HDAC8: variants seen among roughly 807,000 people sequenced by gnomAD.
The protein encoded by HDAC8 is histone deacetylase-like 1.
A neutral mutation model predicts 32.2 loss-of-function variants in HDAC8; 1 was observed. That is an observed-to-expected ratio of 0.03 (90% CI 0.01 to 0.15). The LOEUF is 0.15. Ranked by LOEUF, HDAC8 falls within the 10% of genes least tolerant of loss-of-function variation. The probability of loss-of-function intolerance (pLI) is 1.00; values close to 1 mark genes in which losing one functional copy is unlikely to be tolerated. For missense variants in HDAC8, 117 were observed against 300.0 expected (o/e 0.39, Z 4.51); for synonymous variants, 108 against 113.9 (o/e 0.95, Z 0.33).
At chrX:72,438,424 A>G (rs2047017864) in intron 9 of HDAC8, among the ~76,000 whole-genome samples, 1 of 112,007 alleles carries the variant, frequency 8.9e-6, no homozygotes, top group African/African-American at 3.2e-5. Flanking sequence ...TCAAAAAACC[A>G]GAATGCCTCT....
intron 9 of HDAC8, among the ~76,000 whole-genome samples, chrX:72,407,973 A>G (rs1271372953): frequency 8.9e-6 from 1 of 111,817 alleles, no homozygotes; most frequent in African/African-American, 3.3e-5. Flanking sequence ...TTCAAGGCCC[A>G]TGGCAAGCAG....
At chrX:72,502,027 T>A (rs1314993139) in intron 4 of HDAC8, among the ~76,000 whole-genome samples, 2 of 111,824 alleles carry the variant, frequency 1.8e-5, no homozygotes, top group African/African-American at 6.5e-5. Context: ...AAAAGCTCAA[T>A]ATCAATGATC....
In HDAC8 at chrX:72,351,906, A is replaced by G. The variant is rs1216331030; in HGVS notation, c.1006-68T>C. 5 of 771,124 alleles carry G rather than the reference A, an allele frequency of 6.5e-6. No individual in the cohort carries two copies. The African/African-American group carries it at 8.3e-5, about 13-fold the overall frequency. 63.5% of individuals were successfully genotyped at this position (771,124 alleles called of 1,213,427 possible). A position where few individuals can be genotyped will look rare whatever the true frequency, so the allele number is the denominator to read the frequency against. On this transcript the variant is annotated intron_variant, in intron 9 of 10. Transcript: ENST00000373573. ...TAAAACCTCCAAACCAACCACATACAAACAATCAAAAGAAACTCATACTAC... is the reference window on the plus strand; with the variant it reads ...TAAAACCTCCAAACCAACCACATACGAACAATCAAAAGAAACTCATACTAC...
chrX:72,465,692 T>G (rs1037066414), intron 7 of HDAC8, among the ~76,000 whole-genome samples: 13 of 110,808 alleles, frequency 1.2e-4, no homozygotes, highest in African/African-American at 3.3e-4. Context: ...AAATCCAGAG[T>G]CAAAAAGTGA....
At chrX:72,487,587 G>A (rs1007992059) in intron 7 of HDAC8, among the ~76,000 whole-genome samples, 1 of 110,157 alleles carries the variant, frequency 9.1e-6, no homozygotes, top group Non-Finnish European at 1.9e-5. Flanking sequence ...ATCCATTTAG[G>A]GTGATCCATC....
intron 9 of HDAC8, among the ~76,000 whole-genome samples, chrX:72,440,210 G>T (rs1028223716): frequency 1.3e-4 from 15 of 111,847 alleles, no homozygotes; most frequent in African/African-American, 4.9e-4. Flanking sequence ...TGAACAACCT[G>T]CTCCTGAATG....
intron 9 of HDAC8, among the ~76,000 whole-genome samples, chrX:72,441,793 T>G (rs1555981928): frequency 9.0e-6 from 1 of 110,998 alleles, no homozygotes; most frequent in African/African-American, 3.3e-5. Flanking sequence ...TTGAAAAAAA[T>G]TTAGACGAAT....
chrX:72,383,127 G>A lies in HDAC8; in HGVS notation c.1006-31289C>T, dbSNP rs782184249. On this transcript the variant is annotated intron_variant, in intron 9 of 10. Coordinates refer to ENST00000373573, the MANE Select transcript of HDAC8 (RefSeq NM_018486.3). ...TCATTCATTCACTTATTCATTCATC[G>A]AAAGTCTGCTATGTACTAGGCACTG... is the stretch of plus-strand genomic sequence containing the variant. 3.6e-5 allele frequency among the ~76,000 whole-genome samples: 4 copies of A among 112,071 alleles called. No homozygotes were observed. In the South Asian group the frequency reaches 1.5e-3, roughly 42 times the overall value.
intron 9 of HDAC8, among the ~76,000 whole-genome samples, chrX:72,365,326 T>C (rs1393482656): frequency 1.8e-5 from 2 of 112,027 alleles, no homozygotes; most frequent in African/African-American, 6.5e-5. Flanking sequence ...TTCAGTGTGG[T>C]AGGTGCTGGG....
intron 9 of HDAC8, among the ~76,000 whole-genome samples, chrX:72,387,840 G>C (rs2045488134): frequency 9.0e-6 from 1 of 111,098 alleles, no homozygotes; most frequent in African/African-American, 3.3e-5. Flanking sequence ...TAGTATAGTT[G>C]AGGAGACAGA....
intron 9 of HDAC8, among the ~76,000 whole-genome samples, chrX:72,430,075 A>T (rs1395214004): frequency 1.8e-5 from 2 of 112,560 alleles, no homozygotes; most frequent in Non-Finnish European, 1.9e-5. Context: ...TACAGATAAA[A>T]TGCAATTTCC....
chrX:72,384,498 TG>T (rs1200384476), intron 9 of HDAC8, among the ~76,000 whole-genome samples: 1 of 110,793 alleles, frequency 9.0e-6, no homozygotes, highest in East Asian at 2.8e-4. Context: ...TGCATTGGGG[TG>T]GGGGGTACAA....
intron 10 of HDAC8, among the ~76,000 whole-genome samples, chrX:72,338,782 C>G (rs892211972): frequency 1.9e-5 from 2 of 103,907 alleles, no homozygotes; most frequent in African/African-American, 3.5e-5. Context: ...AGCCCAGTGG[C>G]TCACGCCTGT....
At chrX:72,556,554 A>G (rs1235840727) in intron 4 of HDAC8, among the ~76,000 whole-genome samples, 1 of 111,781 alleles carries the variant, frequency 8.9e-6, no homozygotes, top group Non-Finnish European at 1.9e-5. Context: ...AAAGGGGCAG[A>G]AAAAGATATT....
At chrX:72,474,045 C>T (rs1009151509) in intron 7 of HDAC8, 26 of 647,074 alleles carry the variant, frequency 4.0e-5, no homozygotes, top group Non-Finnish European at 4.6e-5. Flanking sequence ...TGTAGAACAT[C>T]CTTCCCTACA....
At chrX:72,368,358 C>CTTT (rs11335533) in intron 9 of HDAC8, among the ~76,000 whole-genome samples, 1 of 79,678 alleles carries the variant, frequency 1.3e-5, no homozygotes, top group Non-Finnish European at 2.2e-5. Context: ...TTCCACAAGG[C>CTTT]TTTTTTTTTT....
intron 7 of HDAC8, among the ~76,000 whole-genome samples, chrX:72,486,720 T>C (rs1165560517): frequency 9.0e-6 from 1 of 111,684 alleles, no homozygotes; most frequent in African/African-American, 3.3e-5. Context: ...ACTTCTATAG[T>C]ACAGCAGGGG....
At position 72,509,361 on chromosome X, in the gene HDAC8, G is replaced by A. The variant is rs782342119; in HGVS notation, c.438-14093C>T. Among the ~76,000 whole-genome samples, 173 of 110,946 alleles carry A rather than the reference G, an allele frequency of 1.6e-3. 2 individuals carry two copies. The highest frequency in any genetic ancestry group is 9.2e-3 in the Middle Eastern group (2 of 217). ...TGATCTCAAGTGATCCGCCAGCCTC[G>A]GCCTCCCAAAGTGCTGGGATTACAG... On this transcript the variant is annotated intron_variant, in intron 4 of 10. Coordinates refer to ENST00000373573, the MANE Select transcript of HDAC8 (RefSeq NM_018486.3).
intron 4 of HDAC8, among the ~76,000 whole-genome samples, chrX:72,540,370 T>C (rs1435233728): frequency 8.9e-6 from 1 of 112,527 alleles, no homozygotes; most frequent in Non-Finnish European, 1.9e-5. Context: ...AGTCAGATAC[T>C]GGACTGGTGA....
Sources: gnomAD v4.1 joint callset for allele counts (sites outside exome capture counted in the v4.1 genomes callset) on GRCh38, gnomAD v4.1.1 for gene constraint, MANE v1.5 for transcripts, NCBI Gene and HGNC (gene_info 2026-07-23, HGNC 2026-07-21) for gene names.